The following CDK5RAP2 variants were observed in gnomAD, a reference collection of about 807,000 sequenced individuals.
CDK5RAP2 encodes CDK5 regulatory subunit-associated protein 2.
In CDK5RAP2, 147 loss-of-function variants were observed where a neutral mutation model predicts 232.9. The ratio of observed to expected loss-of-function variants is 0.63; its 90% CI spans 0.55 to 0.72. The LOEUF is 0.72. Among genes scored for constraint, CDK5RAP2 ranks in the 30% least tolerant of loss-of-function variants. CDK5RAP2 has a pLI of 0.00. For missense variants in CDK5RAP2, 2,195 were observed against 2,231.5 expected (o/e 0.98, Z 0.33); for synonymous variants, 833 against 833.7 (o/e 1.00, Z 0.01).
At chr9:120,439,369 A>C (rs1225041608) in intron 24 of CDK5RAP2, 30 bp downstream of exon 24, 3 of 1,585,022 alleles carry the variant, frequency 1.9e-6, no homozygotes, top group African/African-American at 1.3e-5. Context: ...CTACAGGCTT[A>C]AACGGGGAGA....
At chr9:120,542,892 T>C (rs1213112454) in intron 5 of CDK5RAP2, among the ~76,000 whole-genome samples, 1 of 152,168 alleles carries the variant, frequency 6.6e-6, no homozygotes, top group African/African-American at 2.4e-5. Flanking sequence ...GAGGAAGCCA[T>C]GCGCGGTTCC....
chr9:120,515,313 T>G (rs2040282369), intron 12 of CDK5RAP2, among the ~76,000 whole-genome samples: 1 of 152,158 alleles, frequency 6.6e-6, no homozygotes. Flanking sequence ...TCTCACCCCT[T>G]TCATTCTCAA....
rs569607061 is a variant in CDK5RAP2 at position 120,569,611 on chromosome 9, C to T, written c.128-1223G>A. 1.0e-3 allele frequency among the ~76,000 whole-genome samples: 156 copies of T among 152,214 alleles called. 1 individual carries two copies. The highest frequency in any genetic ancestry group is 3.4e-3 in the African/African-American group (143 of 41,548). On this transcript the variant is annotated intron_variant, in intron 2 of 37. Transcript: ENST00000349780. ...CAGTCAAGAGGCCAATAGGCTGGAGCTCAATAAACAAAGGGGGATAGCAGG... is the reference window on the plus strand; with the variant it reads ...CAGTCAAGAGGCCAATAGGCTGGAGTTCAATAAACAAAGGGGGATAGCAGG...
intron 25 of CDK5RAP2, among the ~76,000 whole-genome samples, chr9:120,426,882 T>C (rs758187084): frequency 2.2e-4 from 34 of 152,202 alleles, no homozygotes; most frequent in Non-Finnish European, 4.1e-4. Context: ...CCTAAGGATC[T>C]CTATTTTAGT....
intron 4 of CDK5RAP2, among the ~76,000 whole-genome samples, chr9:120,549,298 A>T (rs1225585419): frequency 2.0e-5 from 3 of 152,250 alleles, no homozygotes; most frequent in Non-Finnish European, 2.9e-5. Context: ...CTATATATAC[A>T]TAAAATTCCT....
At chr9:120,394,219 G>A (rs1464242726) in intron 36 of CDK5RAP2, among the ~76,000 whole-genome samples, 5 of 152,126 alleles carry the variant, frequency 3.3e-5, no homozygotes, top group South Asian at 2.1e-4. Context: ...ACAGAGTGAC[G>A]GCCACCCAAC....
rs367620982 is a variant in CDK5RAP2 at position 120,453,604 on chromosome 9, A to G, written c.2645T>C (p.Leu882Pro). 170 of 1,614,056 alleles carry G rather than the reference A, an allele frequency of 1.1e-4. No individual in the cohort carries two copies. The highest frequency in any genetic ancestry group is 1.3e-4 in the Non-Finnish European group (153 of 1,180,048). The change falls in exon 21 of 38, where the codon CTG becomes CCG. Residue 882 changes from leucine to proline, a missense_variant. Coordinates refer to ENST00000349780, the MANE Select transcript of CDK5RAP2 (RefSeq NM_018249.6). ...SVQTVATEGD[L>P]LRFKHEATRE... ...TGTTGCTTCATGCTTGAATCTCAGC[A>G]GGTCGCCCTCCGTGGCCACAGTCTG...
chr9:120,411,434 AC>A lies in CDK5RAP2; in HGVS notation c.4337del (p.Ser1446IlefsTer3). The A allele has an allele frequency of 6.2e-7, 1 of 1,613,290 alleles. No homozygotes were observed. The highest frequency in any genetic ancestry group is 8.5e-7 in the Non-Finnish European group (1 of 1,179,264). On this transcript the variant is annotated frameshift_variant, in exon 29 of 38. Coordinates refer to ENST00000349780, the MANE Select transcript of CDK5RAP2 (RefSeq NM_018249.6). LOFTEE classifies it high-confidence loss of function. ...AGAAATGAATTTCTGATGTTAGAGA[AC>A]TATGAAGCTCTGAACCAGAAGCAAA... ...SIFASGSELH[S>X]SLTSEIHFLR...
At chr9:120,449,625 G>C (rs549518352) in intron 21 of CDK5RAP2, among the ~76,000 whole-genome samples, 1 of 152,316 alleles carries the variant, frequency 6.6e-6, no homozygotes, top group African/African-American at 2.4e-5. Context: ...AAGCTGGGAA[G>C]AGGGACTTAA....
At chr9:120,561,316 A>T (rs189348985) in intron 3 of CDK5RAP2, among the ~76,000 whole-genome samples, 2,831 of 151,874 alleles carry the variant, frequency 0.019, 111 homozygotes, top group African/African-American at 0.066. Context: ...TTTTTTTTTT[A>T]AACAGGGTCT....
intron 10 of CDK5RAP2, among the ~76,000 whole-genome samples, chr9:120,527,336 G>A (rs552658719): frequency 6.6e-6 from 1 of 152,024 alleles, no homozygotes; most frequent in African/African-American, 2.4e-5. Flanking sequence ...GATTAGACCT[G>A]CATTGTCCAA....
chr9:120,470,323 T>A (rs770763756), intron 16 of CDK5RAP2, 103 bp from the exon 17 acceptor site: 10 of 633,910 alleles, frequency 1.6e-5, no homozygotes, highest in Non-Finnish European at 2.8e-5. Context: ...TCCAAAGCAA[T>A]GTGAATGGGG....
chr9:120,393,553 C>A (rs759579838), intron 36 of CDK5RAP2, among the ~76,000 whole-genome samples: 8 of 152,246 alleles, frequency 5.3e-5, no homozygotes, highest in Non-Finnish European at 8.8e-5. Context: ...CTGCAGTCAG[C>A]AGTTCTCTTA....
rs973156155 is a variant in CDK5RAP2 at position 120,527,806 on chromosome 9, CT to C, written c.998del (p.Lys333ArgfsTer76). On this transcript the variant is annotated frameshift_variant and splice_region_variant, in exon 10 of 38. Transcript: ENST00000349780. LOFTEE classifies it high-confidence loss of function. ...CTTACTTCAAGTGTATCAGACATAC[CT>C]TTTTTTCCTTTGATTTTAATGCCAT... ...LTMALKSKEK[K>X]VEELNSEIEK... The C allele has an allele frequency of 6.2e-7, 1 of 1,613,132 alleles. No individual in the cohort carries two copies. Among genetic ancestry groups the C allele is most frequent in the East Asian group, 2.2e-5 (1 of 44,840 alleles).
rs372301531 is a variant in CDK5RAP2 at position 120,470,075 on chromosome 9, A to C, written c.1968+36T>G. 322 of 1,044,908 alleles carry C rather than the reference A, an allele frequency of 3.1e-4. 1 individual carries two copies. In the African/African-American group the frequency reaches 4.7e-3, roughly 15 times the overall value. The allele number at this position is 1,044,908 out of a possible 1,614,324, so 64.7% of individuals were successfully genotyped here. ...AGATACAACAAACAATCTAACAAAA[A>C]GAAAAGAAAAGCACTAAAAATTAAT... On this transcript the variant is annotated intron_variant, in intron 17 of 37. Transcript: ENST00000349780.
chr9:120,465,764 G>A lies in CDK5RAP2; in HGVS notation c.2106+2096C>T, dbSNP rs1457700653. On this transcript the variant is annotated intron_variant, in intron 18 of 37. Transcript: ENST00000349780. ...ATTTGTGTCCAAAGACATTCATTAG[G>A]AAATTAAAAATGGCAAATCACTAGA... 2.0e-5 allele frequency among the ~76,000 whole-genome samples: 3 copies of A among 151,052 alleles called. No individual in the cohort carries two copies. The East Asian group carries it at 5.8e-4, about 29-fold the overall frequency.
intron 3 of CDK5RAP2, among the ~76,000 whole-genome samples, chr9:120,563,045 C>T (rs1211998730): frequency 6.6e-6 from 1 of 152,178 alleles, no homozygotes; most frequent in Non-Finnish European, 1.5e-5. Context: ...CACAAACTGT[C>T]ACAAGAGTCA....
At chr9:120,570,993 TG>T (rs2042834471) in intron 2 of CDK5RAP2, among the ~76,000 whole-genome samples, 1 of 152,146 alleles carries the variant, frequency 6.6e-6, no homozygotes, top group African/African-American at 2.4e-5. Flanking sequence ...AAAACCGTCC[TG>T]CAAAAAATAC....
chr9:120,389,604 T>G (rs1269129063), intron 37 of CDK5RAP2, 137 bp downstream of exon 37: 1 of 835,390 alleles, frequency 1.2e-6, no homozygotes, highest in Non-Finnish European at 2.0e-6. Flanking sequence ...TTTCATGCAC[T>G]GCTGGCAGAA....
Sources: allele counts gnomAD v4.1 joint callset (sites outside exome capture counted in the v4.1 genomes callset), GRCh38; gene constraint gnomAD v4.1.1; transcripts MANE v1.5; gene names NCBI Gene and HGNC (gene_info 2026-07-23, HGNC 2026-07-21).